The following ERBB4 variants were observed in gnomAD, a reference collection of about 807,000 sequenced individuals.
ERBB4 encodes erb-b2 receptor tyrosine kinase 4.
Under a neutral mutation model 158.0 loss-of-function variants are expected in ERBB4, and 42 were observed. That is an observed-to-expected ratio of 0.27 (90% CI 0.21 to 0.34). The LOEUF (loss-of-function observed/expected upper bound fraction) is 0.34. ERBB4 is among the 10% of genes least tolerant of loss of function. The pLI is 1.00. For synonymous variants in ERBB4, 583 were observed against 558.7 expected (o/e 1.04, Z -0.61); for missense variants, 1,333 against 1,624.1 (o/e 0.82, Z 3.08).
chr2:211,974,232 G>T (rs2081541442), intron 2 of ERBB4, among the ~76,000 whole-genome samples: 1 of 151,756 alleles, frequency 6.6e-6, no homozygotes. Flanking sequence ...GAACTTAAAA[G>T]CTTTTTTTTT....
intron 4 of ERBB4, among the ~76,000 whole-genome samples, chr2:211,783,883 T>C (rs2076095302): frequency 6.6e-6 from 1 of 152,316 alleles, no homozygotes; most frequent in Non-Finnish European, 1.5e-5. Context: ...GCTGGCCTCA[T>C]AAAATGAGTT....
chr2:212,502,885 C>T (rs1575040646), intron 1 of ERBB4, among the ~76,000 whole-genome samples: 1 of 152,128 alleles, frequency 6.6e-6, no homozygotes, highest in African/African-American at 2.4e-5. Flanking sequence ...ATCCTCCTAC[C>T]TCAGCCTCCT....
chr2:211,763,897 T>TACACACACACACACAC (rs58206154), intron 4 of ERBB4, among the ~76,000 whole-genome samples: 12,219 of 149,866 alleles, frequency 0.082, 524 homozygotes, highest in South Asian at 0.11. Context: ...TGCGTGTGTA[T>TACACACACACACACAC]ACACACACAC....
intron 20 of ERBB4, among the ~76,000 whole-genome samples, chr2:211,518,827 T>TG (rs2066111708): frequency 6.6e-6 from 1 of 152,178 alleles, no homozygotes; most frequent in Non-Finnish European, 1.5e-5. Context: ...GGGGTTTTTT[T>TG]GTCAGGCTTA....
At chr2:212,463,977 T>C (rs1166128403) in intron 1 of ERBB4, among the ~76,000 whole-genome samples, 2 of 152,146 alleles carry the variant, frequency 1.3e-5, no homozygotes, top group African/African-American at 4.8e-5. Context: ...TGATACATTC[T>C]GCACACAATA....
At chr2:211,615,361 A>T (rs1042031289) in intron 19 of ERBB4, among the ~76,000 whole-genome samples, 4 of 152,018 alleles carry the variant, frequency 2.6e-5, no homozygotes, top group Admixed American at 6.6e-5. Context: ...AAAACAACAA[A>T]AAAGCCTGCA....
intron 19 of ERBB4, among the ~76,000 whole-genome samples, chr2:211,565,281 T>C (rs2067514246): frequency 1.5e-5 from 2 of 132,216 alleles, no homozygotes; most frequent in Non-Finnish European, 3.1e-5. Context: ...AGAAATCATA[T>C]AGCTGTGGGA....
chr2:212,395,614 C>CTTTTTTT (rs760604732), intron 1 of ERBB4, among the ~76,000 whole-genome samples: 4 of 84,730 alleles, frequency 4.7e-5, no homozygotes, highest in South Asian at 4.5e-4. Context: ...CAGTTACACT[C>CTTTTTTT]TTTTTTTTTT....
At chr2:212,209,365 C>A (rs999124106) in intron 1 of ERBB4, among the ~76,000 whole-genome samples, 1 of 152,064 alleles carries the variant, frequency 6.6e-6, no homozygotes, top group African/African-American at 2.4e-5. Flanking sequence ...AGGTTATTAT[C>A]AAAATGGCTA....
intron 1 of ERBB4, among the ~76,000 whole-genome samples, chr2:212,197,013 T>A (rs1246252051): frequency 6.6e-6 from 1 of 152,124 alleles, no homozygotes; most frequent in African/African-American, 2.4e-5. Flanking sequence ...GTTGTTTTTT[T>A]CTTTCGTTTT....
intron 1 of ERBB4, among the ~76,000 whole-genome samples, chr2:212,331,075 CAT>C (rs1553619158): frequency 1.4e-4 from 3 of 21,296 alleles, no homozygotes; most frequent in Admixed American, 6.4e-4. Flanking sequence ...TATATATACA[CAT>C]ATATATATAT....
intron 16 of ERBB4, among the ~76,000 whole-genome samples, chr2:211,634,718 C>A: frequency 6.6e-6 from 1 of 152,120 alleles, no homozygotes; most frequent in East Asian, 1.9e-4. Flanking sequence ...TCTGTTGTTG[C>A]CCAGGCTGGA....
chr2:211,935,154 A>G (rs2080285725), intron 3 of ERBB4, among the ~76,000 whole-genome samples: 3 of 152,134 alleles, frequency 2.0e-5, no homozygotes. Context: ...CTTGTGGTAT[A>G]TTACTTAATA....
In ERBB4 at chr2:211,781,179, A is replaced by G. The variant is rs1205087032; in HGVS notation, c.556+6846T>C. 3.9e-5 allele frequency among the ~76,000 whole-genome samples: 6 copies of G among 152,218 alleles called. No individual in the cohort carries two copies. In the South Asian group the frequency reaches 1.2e-3, roughly 32 times the overall value. ...AATAGATGAGGTTTAATTGTACTCT[A>G]TCTCGAGAATTCTATTTCAAGAAAG... On this transcript the variant is annotated intron_variant, in intron 4 of 27. Transcript: ENST00000342788.
At chr2:211,857,664 T>C (rs2077904997) in intron 3 of ERBB4, among the ~76,000 whole-genome samples, 1 of 152,228 alleles carries the variant, frequency 6.6e-6, no homozygotes, top group Non-Finnish European at 1.5e-5. Context: ...AAAAGCATCC[T>C]TTCAAATAAA....
intron 1 of ERBB4, among the ~76,000 whole-genome samples, chr2:212,192,088 T>A (rs2082285919): frequency 7.0e-6 from 1 of 142,570 alleles, no homozygotes; most frequent in Non-Finnish European, 1.5e-5. Context: ...ATATTATATA[T>A]ATTATATAAG....
rs372426263 is a variant in ERBB4, at chr2:212,092,103, T to C, written c.234+32649A>G. 1.8e-4 allele frequency among the ~76,000 whole-genome samples: 27 copies of C among 152,312 alleles called. No homozygotes were observed. In the East Asian group the frequency reaches 4.4e-3, roughly 25 times the overall value. ...CACAGGTGGAGAGTTATTAGCAATG[T>C]CCTATGGGAAACAAATGTCTTTCCT... is the stretch of plus-strand genomic sequence containing the variant. On this transcript the variant is annotated intron_variant, in intron 2 of 27. Coordinates refer to ENST00000342788, the MANE Select transcript of ERBB4 (RefSeq NM_005235.3).
Position 211,959,483 on chromosome 2 carries a change from T to C in ERBB4, c.235-11867A>G, listed in dbSNP as rs371705748. ...TCTGGTCATACATTGGCACCTTCCA[T>C]TTTGGAAAAAAAAATGCATTTTTCT... On this transcript the variant is annotated intron_variant, in intron 2 of 27. Transcript: ENST00000342788. 4.4e-4 allele frequency among the ~76,000 whole-genome samples: 67 copies of C among 152,122 alleles called. 1 individual carries two copies. The highest frequency in any genetic ancestry group is 1.5e-3 in the African/African-American group (64 of 41,540).
intron 1 of ERBB4, among the ~76,000 whole-genome samples, chr2:212,400,885 A>G (rs1429497291): frequency 1.3e-5 from 2 of 152,188 alleles, no homozygotes; most frequent in Non-Finnish European, 2.9e-5. Flanking sequence ...TAAAACTCTT[A>G]GCAAACTCTT....
Sources: gnomAD v4.1 joint callset for allele counts (sites outside exome capture counted in the v4.1 genomes callset) on GRCh38, gnomAD v4.1.1 for gene constraint, MANE v1.5 for transcripts, NCBI Gene and HGNC (gene_info 2026-07-23, HGNC 2026-07-21) for gene names.